GAS5: variants seen among roughly 807,000 people sequenced by gnomAD.
GAS5 encodes growth arrest specific 5, also known as growth arrest specific 5 (non-protein coding).
At chr1:173,864,840 T>C (rs748248895) in intron 6 of GAS5, 3 of 519,060 alleles carry the variant, frequency 5.8e-6, no homozygotes, top group Non-Finnish European at 1.2e-5. Context: ...ATACATCAGA[T>C]AGGAGCGAAA....
At chr1:173,868,159 T>A (rs577111305), upstream of GAS5, 3 of 158,700 alleles carry the variant, frequency 1.9e-5, no homozygotes, top group Admixed American at 1.3e-4. Flanking sequence ...CCGCCCTTCC[T>A]CGCCATTGTG....
upstream of GAS5, chr1:173,867,551 A>G (rs1654958650): frequency 4.3e-6 from 2 of 467,018 alleles, no homozygotes; most frequent in South Asian, 3.0e-5. Flanking sequence ...TATTGGTGAC[A>G]CTGCGGAATG....
chr1:173,866,867 T>G (rs1654778778), intron 1 of GAS5: 1 of 765,374 alleles, frequency 1.3e-6, no homozygotes, highest in African/African-American at 1.7e-5. Flanking sequence ...ATATAAATGC[T>G]GTTAACATTA....
intron 6 of GAS5, chr1:173,864,386 G>A (rs1235336491): frequency 5.8e-6 from 3 of 519,024 alleles, no homozygotes; most frequent in Non-Finnish European, 1.2e-5. Flanking sequence ...GAATCAAAAT[G>A]GAACGGTTTT....
exon 6 of GAS5, chr1:173,865,505 C>T: frequency 2.0e-6 from 1 of 508,732 alleles, no homozygotes; most frequent in South Asian, 1.4e-5. Flanking sequence ...TCTTCATGTC[C>T]TTACCCAAGC....
upstream of GAS5, chr1:173,867,553 T>G: frequency 2.1e-6 from 1 of 472,178 alleles, no homozygotes; most frequent in South Asian, 1.5e-5. Flanking sequence ...TTGGTGACAC[T>G]GCGGAATGCA....
intron 5 of GAS5, chr1:173,865,754 C>T (rs943390832): frequency 4.0e-5 from 21 of 518,960 alleles, no homozygotes; most frequent in African/African-American, 3.5e-4. Flanking sequence ...AAGGAAAATA[C>T]AGTCAGTATT....
intron 4 of GAS5, chr1:173,866,104 G>A (rs755760054): frequency 1.4e-5 from 7 of 511,360 alleles, no homozygotes; most frequent in Non-Finnish European, 2.3e-5. Context: ...AGCACTAGGA[G>A]GTAACTAAAA....
intron 4 of GAS5, chr1:173,866,121 T>C (rs1572019094): frequency 4.0e-6 from 2 of 502,328 alleles, no homozygotes; most frequent in South Asian, 1.4e-5. Context: ...AAAAAGCCAT[T>C]TGTGCCGTAG....
upstream of GAS5, chr1:173,868,710 G>C (rs977889046): frequency 6.6e-6 from 1 of 152,542 alleles, no homozygotes. Flanking sequence ...GCCCGCCGCC[G>C]CCTGGAGCCG....
chr1:173,867,213 C>G (rs1654874416), upstream of GAS5: 2 of 542,024 alleles, frequency 3.7e-6, no homozygotes, highest in South Asian at 2.7e-5. Context: ...AGCACTGCAC[C>G]CGCAGTTAAG....
upstream of GAS5, chr1:173,869,044 C>T (rs1276814690): frequency 6.6e-6 from 1 of 152,620 alleles, no homozygotes; most frequent in Non-Finnish European, 1.5e-5. Flanking sequence ...ATAAACACAT[C>T]TGAATTCATG....
intron 4 of GAS5, chr1:173,866,130 A>G (rs1271436549): frequency 2.0e-6 from 1 of 495,320 alleles, no homozygotes; most frequent in Non-Finnish European, 4.0e-6. Flanking sequence ...TTTGTGCCGT[A>G]GGAAGTTTGC....
intron 6 of GAS5, chr1:173,864,717 G>T (rs1317745980): frequency 4.3e-6 from 2 of 468,520 alleles, no homozygotes; most frequent in African/African-American, 4.0e-5. Flanking sequence ...GAAATTAAGG[G>T]ACAATACACA....
upstream of GAS5, chr1:173,868,138 G>A: frequency 6.4e-6 from 1 of 156,142 alleles, no homozygotes; most frequent in Non-Finnish European, 1.4e-5. Flanking sequence ...CCTTAAGTCC[G>A]CCCCTTTTCC....
intron 4 of GAS5, chr1:173,865,995 A>C (rs1654541737): frequency 1.9e-6 from 1 of 519,082 alleles, no homozygotes; most frequent in African/African-American, 1.9e-5. Flanking sequence ...TAAGACCTTC[A>C]TGTTCAGTCA....
At chr1:173,867,864 C>T, upstream of GAS5, 2 of 451,098 alleles carry the variant, frequency 4.4e-6, no homozygotes, top group South Asian at 3.1e-5. Flanking sequence ...CAAAGGCGCG[C>T]GACTGGCTTA....
At chr1:173,864,057 G>A in intron 7 of GAS5, 1 of 433,378 alleles carries the variant, frequency 2.3e-6, no homozygotes, top group Non-Finnish European at 4.8e-6. Flanking sequence ...CTGCACTCTA[G>A]CTTGGGTGAG....
At chr1:173,867,139 G>A (rs2102692366), upstream of GAS5, 2 of 602,556 alleles carry the variant, frequency 3.3e-6, no homozygotes, top group East Asian at 5.5e-5. Flanking sequence ...TTAAACCAAT[G>A]ATGCAGGTAA....
Sources: gnomAD v4.1 joint callset for allele counts on GRCh38, gnomAD v4.1.1 for gene constraint, MANE v1.5 for transcripts, NCBI Gene and HGNC (gene_info 2026-07-23, HGNC 2026-07-21) for gene names.